The following VPS13C variants were observed in gnomAD, a reference collection of about 807,000 sequenced individuals.
The protein encoded by VPS13C is vacuolar protein sorting 13 homolog C.
In VPS13C, 358 loss-of-function variants were observed where a neutral mutation model predicts 456.8. That is an observed-to-expected ratio of 0.78 (90% CI 0.72 to 0.86). The LOEUF is 0.86. Ranked by LOEUF, VPS13C falls within the 40% of genes least tolerant of loss-of-function variation. The pLI, the probability that VPS13C is intolerant of heterozygous loss-of-function variation, is 0.00. For missense variants in VPS13C, 4,818 were observed against 4,385.4 expected (o/e 1.10, Z -2.79); for synonymous variants, 1,578 against 1,486.7 (o/e 1.06, Z -1.41).
In VPS13C at chr15:61,996,998, C is replaced by CATAT. The variant is rs35381809; in HGVS notation, c.1353+3562_1353+3565dup. ...CTTGCCTATATATTTTACATACATA[C>CATAT]ATATATATATATATGTATAGAATAT... On this transcript the variant is annotated intron_variant, in intron 16 of 84. Coordinates refer to ENST00000644861, the MANE Select transcript of VPS13C (RefSeq NM_020821.3). Among the ~76,000 whole-genome samples the CATAT allele has an allele frequency of 1.6e-3, 234 of 145,568 alleles. 1 individual carries two copies. The East Asian group carries it at 0.033, about 20-fold the overall frequency.
intron 3 of VPS13C, among the ~76,000 whole-genome samples, chr15:62,040,186 T>G (rs1336246821): frequency 1.3e-5 from 2 of 151,590 alleles, no homozygotes; most frequent in Non-Finnish European, 2.9e-5. Context: ...AGACAGAGAG[T>G]AGAACAATGG....
intron 5 of VPS13C, among the ~76,000 whole-genome samples, chr15:62,031,399 A>T (rs908762485): frequency 6.6e-6 from 1 of 152,008 alleles, no homozygotes; most frequent in African/African-American, 2.4e-5. Flanking sequence ...TAATGGTAAA[A>T]TGTGAAATAT....
chr15:62,058,541 T>C (rs1270720567), intron 1 of VPS13C, among the ~76,000 whole-genome samples: 1 of 152,202 alleles, frequency 6.6e-6, no homozygotes, highest in African/African-American at 2.4e-5. Flanking sequence ...AGCACTTACT[T>C]ATTGGGTATT....
chr15:62,047,447 C>CA (rs1295636176), intron 1 of VPS13C, among the ~76,000 whole-genome samples: 158 of 149,666 alleles, frequency 1.1e-3, no homozygotes, highest in African/African-American at 3.7e-3. Flanking sequence ...AAAAAAAAAA[C>CA]AAAAAAAGCA....
chr15:61,877,448 A>ATTTTTTTTTT (rs1274515972), intron 74 of VPS13C, among the ~76,000 whole-genome samples: 1 of 151,564 alleles, frequency 6.6e-6, no homozygotes, highest in Non-Finnish European at 1.5e-5. Flanking sequence ...TGACATAACC[A>ATTTTTTTTTT]TTTTTAACGG....
At chr15:61,936,990 T>G (rs1567023704) in intron 47 of VPS13C, among the ~76,000 whole-genome samples, 1 of 152,192 alleles carries the variant, frequency 6.6e-6, no homozygotes, top group Non-Finnish European at 1.5e-5. Context: ...TCTCTATGGC[T>G]TATCTGTTAC....
chr15:61,863,374 C>T, intron 82 of VPS13C, 66 bp downstream of exon 82: 1 of 1,215,416 alleles, frequency 8.2e-7, no homozygotes, highest in South Asian at 1.4e-5. Context: ...GCCATTTTAG[C>T]CTTCAAAATT....
At chr15:62,014,017 T>A in intron 9 of VPS13C, 25 bp from the exon 10 acceptor site, 1 of 1,577,844 alleles carries the variant, frequency 6.3e-7, no homozygotes, top group Non-Finnish European at 8.7e-7. Flanking sequence ...GGAATACCTG[T>A]GAAACGTGGT....
intron 3 of VPS13C, among the ~76,000 whole-genome samples, chr15:62,036,390 C>T (rs1291610853): frequency 6.6e-6 from 1 of 151,990 alleles, no homozygotes; most frequent in Non-Finnish European, 1.5e-5. Context: ...TATTTGGGGT[C>T]ACCTAGATGG....
chr15:61,917,536 T>C lies in VPS13C; in HGVS notation c.7860A>G (p.Glu2620=), dbSNP rs752301734. 1.3e-5 allele frequency: 21 copies of C among 1,613,938 alleles called. No individual in the cohort carries two copies. The highest frequency in any genetic ancestry group is 1.7e-5 in the Non-Finnish European group (20 of 1,179,924). The change falls in exon 60 of 85, where the codon GAA becomes GAG. Residue 2620 remains glutamate, a synonymous_variant. Transcript: ENST00000644861. ...SWKEELHRSR[E]VRCMLQCPSV... ...ATGGACACTGCAACATGCATCTGACTTCCCTGCTCCTATGAAGTTCTTCCT... is the reference window on the plus strand; with the variant it reads ...ATGGACACTGCAACATGCATCTGACCTCCCTGCTCCTATGAAGTTCTTCCT...
chr15:61,915,365 A>G (rs1293680210), intron 61 of VPS13C, among the ~76,000 whole-genome samples: 4 of 152,136 alleles, frequency 2.6e-5, no homozygotes, highest in East Asian at 1.9e-4. Flanking sequence ...AATTCAAGCT[A>G]TTCTATCTAC....
At chr15:61,907,958 G>A (rs925472837) in intron 65 of VPS13C, among the ~76,000 whole-genome samples, 1 of 151,896 alleles carries the variant, frequency 6.6e-6, no homozygotes, top group Non-Finnish European at 1.5e-5. Context: ...ATATATTATG[G>A]GTCACAGCAA....
intron 77 of VPS13C, among the ~76,000 whole-genome samples, chr15:61,873,756 G>C (rs140955786): frequency 1.6e-4 from 25 of 152,148 alleles, no homozygotes; most frequent in Non-Finnish European, 3.4e-4. Context: ...ATGGAAAACA[G>C]TATGGAGGCT....
chr15:61,856,115 A>T (rs1596258454), intron 83 of VPS13C, among the ~76,000 whole-genome samples, 171 bp downstream of exon 83: 1 of 152,180 alleles, frequency 6.6e-6, no homozygotes, highest in Admixed American at 6.5e-5. Context: ...TGCAATCAAG[A>T]CTGCCAGAAA....
At chr15:62,012,038 A>T (rs1239098370) in intron 12 of VPS13C, 69 bp downstream of exon 12, 2 of 959,182 alleles carry the variant, frequency 2.1e-6, no homozygotes, top group Non-Finnish European at 3.2e-6. Flanking sequence ...TCAGAAAACT[A>T]TGTTAAAATA....
intron 54 of VPS13C, 126 bp from the exon 55 acceptor site, chr15:61,922,159 C>T: frequency 9.2e-7 from 1 of 1,087,646 alleles, no homozygotes; most frequent in East Asian, 2.5e-5. Context: ...ACCCATCTAA[C>T]AATATATAGA....
At chr15:61,882,476 AACAT>A in intron 69 of VPS13C, 116 bp downstream of exon 69, 1 of 1,037,502 alleles carries the variant, frequency 9.6e-7, no homozygotes, top group African/African-American at 1.7e-5. Context: ...AAGGGGAAAA[AACAT>A]ACAAACAAAG....
chr15:62,023,633 T>A, intron 7 of VPS13C, 113 bp from the exon 8 acceptor site: 1 of 1,097,264 alleles, frequency 9.1e-7, no homozygotes, highest in Non-Finnish European at 1.3e-6. Context: ...GCCAATAGTG[T>A]CTTTATTTAT....
intron 16 of VPS13C, among the ~76,000 whole-genome samples, chr15:61,999,114 C>A (rs772611659): frequency 6.6e-6 from 1 of 152,124 alleles, no homozygotes; most frequent in Non-Finnish European, 1.5e-5. Context: ...CACGGTGGCT[C>A]ATGCCTGTAA....
Sources: allele counts gnomAD v4.1 joint callset (sites outside exome capture counted in the v4.1 genomes callset), GRCh38; gene constraint gnomAD v4.1.1; transcripts MANE v1.5; gene names NCBI Gene and HGNC (gene_info 2026-07-23, HGNC 2026-07-21).